RBM20: variants seen among roughly 807,000 people sequenced by gnomAD.
RBM20 encodes RNA-binding protein 20.
A neutral mutation model predicts 110.1 loss-of-function variants in RBM20; 51 were observed. The observed-to-expected ratio is 0.46, with a 90% confidence interval of 0.37 to 0.59. The LOEUF is 0.59. RBM20 is among the 20% of genes least tolerant of loss of function. The pLI, the probability that RBM20 is intolerant of heterozygous loss-of-function variation, is 0.00. For synonymous variants in RBM20, 589 were observed against 618.2 expected, an observed-to-expected ratio of 0.95 and a Z score of 0.70; for missense variants, 1,512 against 1,574.9, an observed-to-expected ratio of 0.96 and a Z score of 0.68.
intron 5 of RBM20, among the ~76,000 whole-genome samples, chr10:110,795,226 G>A (rs886494311): frequency 6.6e-6 from 1 of 152,172 alleles, no homozygotes; most frequent in East Asian, 1.9e-4. Context: ...CACACTAATG[G>A]GAGGCAAAGA....
At chr10:110,783,521 G>A (rs888221788) in intron 3 of RBM20, 94 bp downstream of exon 3, 1 of 996,254 alleles carries the variant, frequency 1.0e-6, no homozygotes, top group East Asian at 2.8e-5. Context: ...GAGTCCTGGG[G>A]CAATAGCAGA....
chr10:110,776,065 C>G (rs1236915318), intron 1 of RBM20, among the ~76,000 whole-genome samples: 1 of 152,166 alleles, frequency 6.6e-6, no homozygotes, highest in Non-Finnish European at 1.5e-5. Flanking sequence ...AGTGTTCCCC[C>G]ATGAGCCAAT....
In RBM20 at chr10:110,727,222, G is replaced by A. The variant is rs186368090; in HGVS notation, c.192-53579G>A. On this transcript the variant is annotated intron_variant, in intron 1 of 13. Coordinates refer to ENST00000369519, the MANE Select transcript of RBM20 (RefSeq NM_001134363.3). ...TCTTTAGTTGACACATAATGTATGT[G>A]TTTCTGGGATACAGCATGGTATTTC... is the stretch of plus-strand genomic sequence containing the variant. 3.3e-3 allele frequency among the ~76,000 whole-genome samples: 402 copies of A among 122,712 alleles called. 6 individuals carry two copies. Among genetic ancestry groups the A allele is most frequent in the African/African-American group, 0.012 (374 of 32,090 alleles). The allele number at this position is 122,712 out of a possible 152,430, so 80.5% of individuals were successfully genotyped here. A position where few individuals can be genotyped will look rare whatever the true frequency, so the allele number is the denominator to read the frequency against.
rs1845163306 is a variant in RBM20, at chr10:110,838,598, C to T, written c.*2620C>T. ...AGAGACTGGACACTTTATCCCCTAGCAAAGTGGGAGAAGATTTTACCAGCT... is the reference window on the plus strand; with the variant it reads ...AGAGACTGGACACTTTATCCCCTAGTAAAGTGGGAGAAGATTTTACCAGCT... On this transcript the variant is annotated 3_prime_UTR_variant, in exon 14 of 14. Transcript: ENST00000369519. The T allele has an allele frequency of 6.6e-6, 1 of 152,186 alleles. No individual in the cohort carries two copies. The highest frequency in any genetic ancestry group is 2.4e-5 in the African/African-American group (1 of 41,440). 9.4% of individuals were successfully genotyped at this position (152,186 alleles called of 1,614,324 possible).
chr10:110,781,795 G>T lies in RBM20; in HGVS notation c.1186G>T (p.Ala396Ser), dbSNP rs1160693970. Residue 396 changes from alanine (A) to serine (S), a missense_variant, in exon 2 of 14, where the codon GCT (alanine) becomes TCT (serine). Ala to Ser is a moderately conservative substitution (Grantham distance 99). Coordinates refer to ENST00000369519, the MANE Select transcript of RBM20 (RefSeq NM_001134363.3). ...GTTGCTATCTGTGCGGCCCCTGCAG[G>T]CTCATGAGCTGAACGACTTTCACGG... is the stretch of plus-strand genomic sequence containing the variant. ...QALLSVRPLQ[A>S]HELNDFHGVA... 3.4e-5 allele frequency: 52 copies of T among 1,551,662 alleles called. No individual in the cohort carries two copies. Among genetic ancestry groups the T allele is most frequent in the Non-Finnish European group, 4.4e-5 (50 of 1,147,026 alleles).
intron 1 of RBM20, among the ~76,000 whole-genome samples, chr10:110,726,823 G>C (rs1843565012): frequency 6.6e-6 from 1 of 152,118 alleles, no homozygotes; most frequent in African/African-American, 2.4e-5. Flanking sequence ...GGCCCACAGG[G>C]AATCTCACCT....
At chr10:110,810,975 A>G (rs960749792) in intron 8 of RBM20, among the ~76,000 whole-genome samples, 1 of 152,228 alleles carries the variant, frequency 6.6e-6, no homozygotes, top group Non-Finnish European at 1.5e-5. Context: ...CACTTTCTCG[A>G]AACATTGAAT....
chr10:110,712,425 A>G (rs887781852), intron 1 of RBM20, among the ~76,000 whole-genome samples: 1 of 152,230 alleles, frequency 6.6e-6, no homozygotes, highest in Non-Finnish European at 1.5e-5. Context: ...GCATGACATG[A>G]GGAGGTTGGC....
Position 110,830,272 on chromosome 10 carries a change from C to A in RBM20, c.3452-789C>A, listed in dbSNP as rs898749720. Among the ~76,000 whole-genome samples, 22 of 152,176 alleles carry A rather than the reference C, an allele frequency of 1.4e-4. No individual in the cohort carries two copies. The East Asian group carries it at 3.1e-3, about 21-fold the overall frequency. On this transcript the variant is annotated intron_variant, in intron 12 of 13. Transcript: ENST00000369519. The stretch of plus-strand genomic sequence containing the variant: ...GCCACCATCCCTTCAAGGATGACTC[C>A]CCTGGCTGTGACATTGTCACTCCTC...
intron 1 of RBM20, among the ~76,000 whole-genome samples, chr10:110,720,886 G>A (rs1378458846): frequency 1.3e-5 from 2 of 152,170 alleles, no homozygotes; most frequent in Non-Finnish European, 2.9e-5. Context: ...TCCCACTATG[G>A]CCTGGCAGGC....
At chr10:110,775,806 T>C (rs1844255463) in intron 1 of RBM20, among the ~76,000 whole-genome samples, 1 of 152,194 alleles carries the variant, frequency 6.6e-6, no homozygotes, top group Admixed American at 6.5e-5. Context: ...GTAGGTTGGC[T>C]TTCTTTAAGC....
At chr10:110,706,347 A>C (rs897848303) in intron 1 of RBM20, among the ~76,000 whole-genome samples, 1 of 152,164 alleles carries the variant, frequency 6.6e-6, no homozygotes, top group Non-Finnish European at 1.5e-5. Flanking sequence ...TAGGTTCTTA[A>C]GAAATGTGAG....
intron 7 of RBM20, among the ~76,000 whole-genome samples, chr10:110,805,858 G>C (rs1366081270): frequency 6.6e-6 from 1 of 152,212 alleles, no homozygotes; most frequent in Non-Finnish European, 1.5e-5. Context: ...CGGAATCATT[G>C]TCATCACAGA....
upstream of RBM20, among the ~76,000 whole-genome samples, chr10:110,643,245 A>G (rs542192549): frequency 6.6e-6 from 1 of 152,374 alleles, no homozygotes; most frequent in Admixed American, 6.5e-5. Flanking sequence ...CTCAGGACTT[A>G]GAACTCCTGT....
In RBM20 at chr10:110,805,504, C is replaced by T. The variant is rs1439478650; in HGVS notation, c.1801-4879C>T. On this transcript the variant is annotated intron_variant, in intron 7 of 13. Transcript: ENST00000369519. ...TGTCAGAGGGCATGAAACTTTCCAG[C>T]AGCTCCCTTCATGTTGGCCAAGCAC... Among the ~76,000 whole-genome samples the T allele has an allele frequency of 2.0e-5, 3 of 152,188 alleles. No homozygotes were observed. In the East Asian group the frequency reaches 5.8e-4, roughly 29 times the overall value.
chr10:110,659,267 A>G (rs1862066742), intron 1 of RBM20, among the ~76,000 whole-genome samples: 1 of 152,194 alleles, frequency 6.6e-6, no homozygotes, highest in Admixed American at 6.5e-5. Context: ...GCCATATAAG[A>G]AGAATATAAA....
At chr10:110,805,670 G>A (rs975066111) in intron 7 of RBM20, among the ~76,000 whole-genome samples, 2 of 152,230 alleles carry the variant, frequency 1.3e-5, no homozygotes, top group Admixed American at 6.5e-5. Flanking sequence ...ACCTAGCCAG[G>A]TGCGGGCAGG....
chr10:110,720,421 A>C (rs1843491744), intron 1 of RBM20, among the ~76,000 whole-genome samples: 1 of 152,144 alleles, frequency 6.6e-6, no homozygotes, highest in African/African-American at 2.4e-5. Flanking sequence ...TTTCTAGTCC[A>C]CATTTTGCAG....
rs118088040 is a variant in RBM20, at chr10:110,748,329, C to T, written c.192-32472C>T. The stretch of plus-strand genomic sequence containing the variant: ...GCTTTTCAGTTTCCACAACAGTAGT[C>T]AAGCCAGTGAGCCCTGTGGGGAGGG... On this transcript the variant is annotated intron_variant, in intron 1 of 13. Coordinates refer to ENST00000369519, the MANE Select transcript of RBM20 (RefSeq NM_001134363.3). Among the ~76,000 whole-genome samples the T allele has an allele frequency of 9.7e-3, 1,481 of 152,294 alleles. 7 individuals are homozygous for T. The highest frequency in any genetic ancestry group is 0.016 in the Non-Finnish European group (1,060 of 68,018).
Sources: gnomAD v4.1 joint callset for allele counts (sites outside exome capture counted in the v4.1 genomes callset) on GRCh38, gnomAD v4.1.1 for gene constraint, MANE v1.5 for transcripts, NCBI Gene and HGNC (gene_info 2026-07-23, HGNC 2026-07-21) for gene names.